The following DSE variants were observed in gnomAD, a reference collection of about 807,000 sequenced individuals.
The protein encoded by DSE is dermatan sulfate epimerase.
A neutral mutation model predicts 84.4 loss-of-function variants in DSE; 36 were observed. The observed-to-expected ratio is 0.43, with a 90% CI of 0.33 to 0.56. The LOEUF is 0.56. Ranked by LOEUF, DSE falls within the 20% of genes least tolerant of loss-of-function variation. The pLI is 0.06. For missense variants in DSE, 862 were observed against 1,169.6 expected, an observed-to-expected ratio of 0.74 and a Z score of 3.84; for synonymous variants, 410 against 430.1, an observed-to-expected ratio of 0.95 and a Z score of 0.58.
intron 2 of DSE, among the ~76,000 whole-genome samples, chr6:116,307,209 G>A (rs1775400397): frequency 6.6e-6 from 1 of 152,156 alleles, no homozygotes; most frequent in Non-Finnish European, 1.5e-5. Flanking sequence ...GTCCAGGCTT[G>A]CTGAATGAAT....
chr6:116,367,681 A>C (rs1779244067), upstream of DSE, among the ~76,000 whole-genome samples: 2 of 152,216 alleles, frequency 1.3e-5, no homozygotes, highest in Non-Finnish European at 2.9e-5. Context: ...GTAAAAATAA[A>C]CCATTAAATG....
At chr6:116,304,555 A>C (rs1325918316) in intron 2 of DSE, among the ~76,000 whole-genome samples, 1 of 152,190 alleles carries the variant, frequency 6.6e-6, no homozygotes, top group Non-Finnish European at 1.5e-5. Context: ...ATTTCAGGTC[A>C]GGTTTTGCTG....
At chr6:116,343,218 G>A (rs144667182) in intron 2 of DSE, among the ~76,000 whole-genome samples, 3,267 of 152,286 alleles carry the variant, frequency 0.021, 115 homozygotes, top group African/African-American at 0.073. Context: ...ACCTCTGTGG[G>A]CAGGGCATAG....
chr6:116,254,742 C>CT (rs1485084603), intron 1 of DSE: 1 of 153,432 alleles, frequency 6.5e-6, no homozygotes, highest in African/African-American at 2.4e-5. Context: ...GTAGAGGTGA[C>CT]TGGCACACGA....
At chr6:116,274,059 A>T (rs1582919422) in intron 2 of DSE, among the ~76,000 whole-genome samples, 1 of 151,366 alleles carries the variant, frequency 6.6e-6, no homozygotes, top group South Asian at 2.1e-4. Context: ...CGAACTCCTG[A>T]CCTCAGGTGA....
At chr6:116,343,156 C>G (rs922556507) in intron 2 of DSE, among the ~76,000 whole-genome samples, 1 of 152,244 alleles carries the variant, frequency 6.6e-6, no homozygotes, top group African/African-American at 2.4e-5. Context: ...GAAGCTCAAA[C>G]TGGGCAGAGC....
chr6:116,357,625 T>A (rs1244983401), intron 2 of DSE, among the ~76,000 whole-genome samples: 1 of 152,194 alleles, frequency 6.6e-6, no homozygotes, highest in Non-Finnish European at 1.5e-5. Context: ...TTCTTCTTTC[T>A]CATCTTTTAA....
chr6:116,291,705 A>G (rs1468231261), intron 2 of DSE, among the ~76,000 whole-genome samples: 1 of 152,118 alleles, frequency 6.6e-6, no homozygotes, highest in Admixed American at 6.6e-5. Context: ...ATGGAAAATG[A>G]TGTGAAGGTT....
At chr6:116,271,947 C>G (rs371540574) in intron 2 of DSE, among the ~76,000 whole-genome samples, 222 of 152,206 alleles carry the variant, frequency 1.5e-3, no homozygotes, top group African/African-American at 5.1e-3. Context: ...GCACTATTAC[C>G]CCTGCAAATG....
At chr6:116,313,676 T>A (rs1459827558) in intron 2 of DSE, among the ~76,000 whole-genome samples, 2 of 152,214 alleles carry the variant, frequency 1.3e-5, no homozygotes, top group African/African-American at 4.8e-5. Context: ...AAGCTCAGTC[T>A]TCAACAGGCA....
At chr6:116,320,545 GT>G (rs1401775103) in intron 2 of DSE, among the ~76,000 whole-genome samples, 24 of 152,044 alleles carry the variant, frequency 1.6e-4, no homozygotes, top group Non-Finnish European at 3.1e-4. Context: ...AGGTGTATTA[GT>G]TTGCTTGCGC....
At chr6:116,433,147 C>T in intron 4 of DSE, 196 bp from the exon 5 acceptor site, 1 of 598,450 alleles carries the variant, frequency 1.7e-6, no homozygotes, top group Non-Finnish European at 2.9e-6. Flanking sequence ...TTGCACACAA[C>T]ATATGTGGAA....
At chr6:116,282,452 T>G (rs950739458) in intron 2 of DSE, among the ~76,000 whole-genome samples, 2 of 152,172 alleles carry the variant, frequency 1.3e-5, no homozygotes, top group East Asian at 3.9e-4. Context: ...TTAATGTAAT[T>G]AACACTCTTA....
chr6:116,399,516 G>T lies in DSE; in HGVS notation c.266G>T (p.Trp89Leu), dbSNP rs755364363. 1 of 1,614,154 alleles carries T rather than the reference G, an allele frequency of 6.2e-7. No individual in the cohort carries two copies. The highest frequency in any genetic ancestry group is 1.7e-5 in the Admixed American group (1 of 60,022). ...LSSPLEYLPP[W>L]DPKDYSARWN... ...AGCCCCTTGGAATACCTCCCTCCCT[G>T]GGATCCCAAGGACTACAGTGCCCGC... Residue 89 changes from tryptophan to leucine, a missense_variant, in exon 2 of 6, where the codon TGG (tryptophan) becomes TTG (leucine). Transcript: ENST00000644252.
intron 2 of DSE, among the ~76,000 whole-genome samples, chr6:116,287,387 G>A (rs1202786381): frequency 1.3e-5 from 2 of 151,902 alleles, no homozygotes; most frequent in East Asian, 1.9e-4. Context: ...TCTGTCTAAA[G>A]CCTAAAAGAG....
chr6:116,398,615 C>T (rs1781398023), intron 1 of DSE, among the ~76,000 whole-genome samples: 1 of 152,126 alleles, frequency 6.6e-6, no homozygotes, highest in South Asian at 2.1e-4. Flanking sequence ...TTTACATGGC[C>T]TTTGTCTTCT....
At chr6:116,349,007 T>C (rs1204796938) in intron 2 of DSE, among the ~76,000 whole-genome samples, 1 of 152,026 alleles carries the variant, frequency 6.6e-6, no homozygotes, top group East Asian at 1.9e-4. Flanking sequence ...TTAGGAGATA[T>C]ACCTAATGTA....
At chr6:116,320,732 C>T (rs1421393504) in intron 2 of DSE, among the ~76,000 whole-genome samples, 1 of 152,090 alleles carries the variant, frequency 6.6e-6, no homozygotes, top group African/African-American at 2.4e-5. Flanking sequence ...CATGCACATC[C>T]CTGATGTCTC....
chr6:116,347,083 T>C (rs1035643995), intron 2 of DSE, among the ~76,000 whole-genome samples: 2 of 152,042 alleles, frequency 1.3e-5, no homozygotes, highest in Non-Finnish European at 2.9e-5. Context: ...GGACTTCTTA[T>C]GGAGAACTAC....
Sources: gnomAD v4.1 joint callset for allele counts (sites outside exome capture counted in the v4.1 genomes callset) on GRCh38, gnomAD v4.1.1 for gene constraint, MANE v1.5 for transcripts, NCBI Gene and HGNC (gene_info 2026-07-23, HGNC 2026-07-21) for gene names.